The following EPHB1 variants were observed in gnomAD, a reference collection of about 807,000 sequenced individuals.
EPHB1 encodes the protein ephrin type-B receptor 1.
Under a neutral mutation model 94.4 loss-of-function variants are expected in EPHB1, and 30 were observed. The observed-to-expected ratio is 0.32, with a 90% CI of 0.24 to 0.43. The LOEUF (loss-of-function observed/expected upper bound fraction) is 0.43, where lower values mean the gene tolerates loss of function less well. Among genes scored for constraint, EPHB1 ranks in the 20% least tolerant of loss-of-function variants. The probability of loss-of-function intolerance (pLI) is 1.00; values close to 1 mark genes in which losing one functional copy is unlikely to be tolerated. For synonymous variants in EPHB1, 522 were observed against 489.1 expected (o/e 1.07, Z -0.89); for missense variants, 1,055 against 1,308.3 (o/e 0.81, Z 2.99).
chr3:135,068,468 T>C (rs1287309145), intron 3 of EPHB1, among the ~76,000 whole-genome samples: 8 of 152,174 alleles, frequency 5.3e-5, no homozygotes, highest in Non-Finnish European at 1.0e-4. Context: ...TGGGATTATC[T>C]GTTCTATTTC....
chr3:134,848,022 G>A (rs531333439), intron 1 of EPHB1, among the ~76,000 whole-genome samples: 45 of 152,256 alleles, frequency 3.0e-4, no homozygotes, highest in African/African-American at 9.6e-4. Flanking sequence ...TAATTTGGGG[G>A]CATTTTTGTA....
chr3:135,084,721 T>C (rs923538112), intron 3 of EPHB1, among the ~76,000 whole-genome samples: 2 of 152,182 alleles, frequency 1.3e-5, no homozygotes, highest in Admixed American at 6.5e-5. Flanking sequence ...ACGGTCCTTC[T>C]ATTGTGAGAT....
intron 3 of EPHB1, among the ~76,000 whole-genome samples, chr3:135,094,242 C>G (rs1209257895): frequency 6.6e-6 from 1 of 152,224 alleles, no homozygotes; most frequent in East Asian, 1.9e-4. Context: ...TGTCCCACTC[C>G]CCTCCATGCT....
intron 1 of EPHB1, among the ~76,000 whole-genome samples, chr3:134,881,485 C>T (rs868113588): frequency 1.1e-4 from 16 of 152,062 alleles, no homozygotes; most frequent in South Asian, 6.2e-4. Flanking sequence ...ATTCTAAAGC[C>T]GCCTCACCTG....
intron 3 of EPHB1, among the ~76,000 whole-genome samples, chr3:134,994,866 C>T (rs1049360450): frequency 6.6e-6 from 1 of 152,186 alleles, no homozygotes; most frequent in African/African-American, 2.4e-5. Flanking sequence ...CCCATTTACC[C>T]TTCATCCAGT....
At chr3:135,088,250 G>A (rs1319837660) in intron 3 of EPHB1, among the ~76,000 whole-genome samples, 3 of 152,120 alleles carry the variant, frequency 2.0e-5, no homozygotes, top group African/African-American at 7.2e-5. Context: ...AGCTGGAAAG[G>A]GCATCAGCTG....
intron 12 of EPHB1, among the ~76,000 whole-genome samples, chr3:135,221,183 G>T (rs1943273728): frequency 6.6e-6 from 1 of 152,164 alleles, no homozygotes; most frequent in Non-Finnish European, 1.5e-5. Context: ...GCCAAGAAGG[G>T]GATGGGGAGT....
At chr3:135,045,628 A>G (rs1254382349) in intron 3 of EPHB1, among the ~76,000 whole-genome samples, 2 of 152,218 alleles carry the variant, frequency 1.3e-5, no homozygotes, top group South Asian at 2.1e-4. Flanking sequence ...GACAACTGAA[A>G]GTGTTTGTTG....
chr3:134,804,953 C>T (rs760987037), intron 1 of EPHB1, among the ~76,000 whole-genome samples: 4 of 152,222 alleles, frequency 2.6e-5, no homozygotes, highest in African/African-American at 7.2e-5. Flanking sequence ...GCTTCATTGA[C>T]GGTGGCAGCA....
intron 2 of EPHB1, among the ~76,000 whole-genome samples, chr3:134,932,694 G>T (rs953726681): frequency 1.3e-5 from 2 of 152,344 alleles, no homozygotes; most frequent in Non-Finnish European, 1.5e-5. Context: ...CTTAGGAAAT[G>T]TTAGCACATC....
intron 5 of EPHB1, among the ~76,000 whole-genome samples, chr3:135,133,767 A>G (rs1306975257): frequency 2.0e-5 from 3 of 151,902 alleles, no homozygotes; most frequent in Non-Finnish European, 4.4e-5. Flanking sequence ...TGAATCTTAC[A>G]CTCTTCTGAT....
chr3:134,898,031 G>T (rs1032496169), intron 1 of EPHB1, among the ~76,000 whole-genome samples: 1 of 152,122 alleles, frequency 6.6e-6, no homozygotes, highest in Admixed American at 6.5e-5. Flanking sequence ...TCCCAGGAAG[G>T]CAAATAAATC....
chr3:135,244,792 C>T (rs1943880411), intron 13 of EPHB1, among the ~76,000 whole-genome samples: 1 of 152,162 alleles, frequency 6.6e-6, no homozygotes, highest in Non-Finnish European at 1.5e-5. Flanking sequence ...GAATAAAAAT[C>T]TCCAAAGGCA....
At chr3:135,003,989 G>T (rs1169492330) in intron 3 of EPHB1, among the ~76,000 whole-genome samples, 1 of 151,640 alleles carries the variant, frequency 6.6e-6, no homozygotes, top group East Asian at 1.9e-4. Flanking sequence ...GTGTGAATTT[G>T]ATCCTGTCAT....
chr3:135,106,960 T>C (rs1939242120), intron 4 of EPHB1, among the ~76,000 whole-genome samples: 4 of 152,312 alleles, frequency 2.6e-5, no homozygotes, highest in Admixed American at 2.0e-4. Flanking sequence ...TGCCTATAGC[T>C]GAGAATCTCC....
chr3:135,174,412 C>T (rs1941914750), intron 9 of EPHB1, among the ~76,000 whole-genome samples: 3 of 152,204 alleles, frequency 2.0e-5, no homozygotes, highest in African/African-American at 7.2e-5. Context: ...GTGCACTTGT[C>T]CTTTCAGGCT....
rs116725072 is a variant in EPHB1 at position 134,962,749 on chromosome 3, C to T, written c.805+10697C>T. Among the ~76,000 whole-genome samples, 722 of 152,194 alleles carry T rather than the reference C, an allele frequency of 4.7e-3. 2 individuals are homozygous for T. The highest frequency in any genetic ancestry group is 0.016 in the African/African-American group (680 of 41,516). On this transcript the variant is annotated intron_variant, in intron 3 of 15. Transcript: ENST00000398015. ...CTAGCCTCAGCTCACCATGTTGACA[C>T]CTCCATAGCCCCGCCTTCCTAGATC...
At chr3:134,981,644 T>C (rs1934406152) in intron 3 of EPHB1, among the ~76,000 whole-genome samples, 1 of 152,224 alleles carries the variant, frequency 6.6e-6, no homozygotes, top group Non-Finnish European at 1.5e-5. Context: ...TTCACATTTT[T>C]ATTTCTGCAT....
intron 3 of EPHB1, among the ~76,000 whole-genome samples, chr3:135,075,832 G>A (rs1937891400): frequency 6.6e-6 from 1 of 152,166 alleles, no homozygotes; most frequent in African/African-American, 2.4e-5. Flanking sequence ...TACCTGCAAG[G>A]GGCTTGCCTG....
Sources: gnomAD v4.1 joint callset for allele counts (sites outside exome capture counted in the v4.1 genomes callset) on GRCh38, gnomAD v4.1.1 for gene constraint, MANE v1.5 for transcripts, NCBI Gene and HGNC (gene_info 2026-07-23, HGNC 2026-07-21) for gene names.